The following GTF2I variants were observed in gnomAD, a reference collection of about 807,000 sequenced individuals.
GTF2I encodes the protein general transcription factor IIi.
A neutral mutation model predicts 67.6 loss-of-function variants in GTF2I; 12 were observed. That is an observed-to-expected ratio of 0.18 (90% CI 0.11 to 0.29). The LOEUF is 0.29. GTF2I is among the 10% of genes least tolerant of loss of function. GTF2I has a pLI of 1.00. For missense variants in GTF2I, 271 were observed against 580.1 expected, an observed-to-expected ratio of 0.47 and a Z score of 5.47; for synonymous variants, 149 against 197.0, an observed-to-expected ratio of 0.76 and a Z score of 2.04.
At chr7:74,678,218 C>CTTT (rs66564149) in intron 1 of GTF2I, among the ~76,000 whole-genome samples, 9 of 119,562 alleles carry the variant, frequency 7.5e-5, no homozygotes, top group Non-Finnish European at 1.1e-4. Flanking sequence ...CTGAGCCCGG[C>CTTT]TTTTTTTTTT....
At chr7:74,706,352 C>T (rs782175056) in intron 7 of GTF2I, 38 bp from the exon 8 acceptor site, 1 of 1,589,376 alleles carries the variant, frequency 6.3e-7, no homozygotes, top group Non-Finnish European at 8.6e-7. Flanking sequence ...TGGCTGTCAC[C>T]AGCACGTGGC....
intron 11 of GTF2I, among the ~76,000 whole-genome samples, chr7:74,718,626 AT>A (rs1345855274): frequency 6.6e-6 from 1 of 152,152 alleles, no homozygotes; most frequent in Non-Finnish European, 1.5e-5. Flanking sequence ...AGACTATGGG[AT>A]TTTTTTGAGT....
chr7:74,680,084 A>G (rs1396962903), intron 1 of GTF2I, among the ~76,000 whole-genome samples: 1 of 93,764 alleles, frequency 1.1e-5, no homozygotes, highest in Non-Finnish European at 2.1e-5. Context: ...CATCTCAAAA[A>G]AAAAAAAAAA....
chr7:74,658,426 G>A (rs1804131955), intron 1 of GTF2I, among the ~76,000 whole-genome samples: 1 of 145,190 alleles, frequency 6.9e-6, no homozygotes, highest in Non-Finnish European at 1.5e-5. Flanking sequence ...GGGGCGCCTC[G>A]CGCGTGCGAT....
intron 1 of GTF2I, among the ~76,000 whole-genome samples, chr7:74,659,188 G>T (rs112217519): frequency 0.019 from 2,842 of 152,124 alleles, 33 homozygotes; most frequent in South Asian, 0.036. Flanking sequence ...CCCCCATAGT[G>T]CTGGGATTAC....
chr7:74,663,783 C>T (rs1279942206), intron 1 of GTF2I, among the ~76,000 whole-genome samples: 2 of 152,204 alleles, frequency 1.3e-5, no homozygotes, highest in Admixed American at 6.5e-5. Context: ...GGGAGCAAAA[C>T]GCCTTAGTGT....
Position 74,657,876 on chromosome 7 carries a change from G to C in GTF2I, c.-198G>C, listed in dbSNP as rs1554384357. 3.3e-5 allele frequency: 5 copies of C among 151,888 alleles called. No homozygotes were observed. The highest frequency in any genetic ancestry group is 2.0e-4 in the Admixed American group (3 of 15,242). 9.4% of individuals were successfully genotyped at this position (151,888 alleles called of 1,614,324 possible). Reference sequence around the variant, plus strand: ...CAAGGCGCTGAGCGAGGCCCTGCCTGCGGGGCGGCCATGCGGCGGTGACAG... The same window carrying C: ...CAAGGCGCTGAGCGAGGCCCTGCCTCCGGGGCGGCCATGCGGCGGTGACAG... On this transcript the variant is annotated 5_prime_UTR_variant, in exon 1 of 35. Coordinates refer to ENST00000573035, the MANE Select transcript of GTF2I (RefSeq NM_032999.4).
intron 12 of GTF2I, among the ~76,000 whole-genome samples, chr7:74,720,533 C>T (rs1235043796): frequency 6.6e-6 from 1 of 152,052 alleles, no homozygotes; most frequent in Non-Finnish European, 1.5e-5. Context: ...TACAGTCCAG[C>T]ATTAAATGGT....
At chr7:74,689,647 C>G (rs1188220126) in intron 2 of GTF2I, among the ~76,000 whole-genome samples, 1 of 151,774 alleles carries the variant, frequency 6.6e-6, no homozygotes, top group Non-Finnish European at 1.5e-5. Flanking sequence ...AACCACTGCC[C>G]CAACCAATGA....
intron 1 of GTF2I, among the ~76,000 whole-genome samples, chr7:74,666,411 CAG>C (rs1562934382): frequency 6.6e-6 from 1 of 152,084 alleles, no homozygotes; most frequent in Non-Finnish European, 1.5e-5. Context: ...GATAATTTGA[CAG>C]AGGAGGACGA....
intron 6 of GTF2I, among the ~76,000 whole-genome samples, chr7:74,701,701 A>G (rs1554399922): frequency 6.6e-6 from 1 of 152,056 alleles, no homozygotes. Context: ...CTGACCTCAA[A>G]TGATCCACCC....
intron 1 of GTF2I, among the ~76,000 whole-genome samples, chr7:74,676,934 C>G (rs587764788): frequency 6.6e-6 from 1 of 152,116 alleles, no homozygotes; most frequent in African/African-American, 2.4e-5. Context: ...TGTCAGGTGC[C>G]TGTAATCCCA....
intron 12 of GTF2I, among the ~76,000 whole-genome samples, chr7:74,725,845 CTTTTT>C (rs782493121): frequency 3.0e-4 from 42 of 139,924 alleles, no homozygotes; most frequent in African/African-American, 9.7e-4. Context: ...TTTTCTCTTT[CTTTTT>C]TTTTTTTTGG....
intron 1 of GTF2I, among the ~76,000 whole-genome samples, chr7:74,661,749 A>G (rs991518083): frequency 2.0e-5 from 3 of 152,186 alleles, no homozygotes; most frequent in Non-Finnish European, 4.4e-5. Flanking sequence ...TAGATTGCTC[A>G]GAAAACTGGC....
Position 74,706,395 on chromosome 7 carries a change from G to T in GTF2I, c.647G>T (p.Gly216Val). ...GGGCTTTCTTCTCCTTGCAGTTGTG[G>T]CCCCATCAAAGTGAAAACTGAACCC... Reference protein sequence around the residue: ...RSILSPGGSCGPIKVKTEPTE... With the variant: ...RSILSPGGSCVPIKVKTEPTE... The change falls in exon 8 of 35, where the codon GGC becomes GTC. Residue 216 changes from glycine to valine, a missense_variant. Physicochemically the swap from Gly to Val is moderately radical, Grantham distance 109 (BLOSUM62 -3). This residue lies in a region of GTF2I where 124 missense variants were observed against 147.0 expected (regional missense o/e 0.84). Coordinates refer to ENST00000573035, the MANE Select transcript of GTF2I (RefSeq NM_032999.4). 6.2e-7 allele frequency: 1 copy of T among 1,613,542 alleles called. No homozygotes were observed. The highest frequency in any genetic ancestry group is 8.5e-7 in the Non-Finnish European group (1 of 1,179,566).
chr7:74,688,882 T>G, intron 1 of GTF2I: 16 of 389,990 alleles, frequency 4.1e-5, no homozygotes, highest in Non-Finnish European at 6.0e-5. Context: ...GCCACCTGGA[T>G]TTATTTGGGG....
At position 74,758,853 on chromosome 7, in the gene GTF2I, AG is replaced by A; in HGVS notation, c.*17+1del. On this transcript the variant is annotated splice_region_variant and 3_prime_UTR_variant, in exon 34 of 35. Transcript: ENST00000573035. Reference sequence around the variant, plus strand: ...CCACGTGGTAGACCTCTTCCCTCCTAGGGTAAATCAGCTTCTGTGTCAGGGA... The same window carrying A: ...CCACGTGGTAGACCTCTTCCCTCCTAGGTAAATCAGCTTCTGTGTCAGGGA... The A allele has an allele frequency of 9.0e-7, 1 of 1,111,498 alleles. No homozygotes were observed. Among genetic ancestry groups the A allele is most frequent in the Non-Finnish European group, 1.4e-6 (1 of 722,810 alleles). The allele number at this position is 1,111,498 out of a possible 1,614,324, so 68.9% of individuals were successfully genotyped here. A position where few individuals can be genotyped will look rare whatever the true frequency, so the allele number is the denominator to read the frequency against.
chr7:74,662,982 A>G (rs1029373604), intron 1 of GTF2I, among the ~76,000 whole-genome samples: 7 of 151,980 alleles, frequency 4.6e-5, no homozygotes, highest in African/African-American at 1.4e-4. Context: ...CCACTGTCCT[A>G]TGTTCTGGCA....
intron 9 of GTF2I, among the ~76,000 whole-genome samples, chr7:74,711,330 T>C (rs1280101547): frequency 1.3e-5 from 2 of 152,208 alleles, no homozygotes; most frequent in Non-Finnish European, 2.9e-5. Context: ...ATTTGTGTTC[T>C]TAAAAGGATG....
Sources: gnomAD v4.1 joint callset for allele counts (sites outside exome capture counted in the v4.1 genomes callset) on GRCh38, gnomAD v4.1.1 for gene constraint, gnomAD v4.1.1 regional missense constraint, MANE v1.5 for transcripts, NCBI Gene and HGNC (gene_info 2026-07-23, HGNC 2026-07-21) for gene names.